The following CEMIP variants were observed in gnomAD, a reference collection of about 807,000 sequenced individuals.
CEMIP encodes cell migration inducing hyaluronidase 1.
Under a neutral mutation model 156.9 loss-of-function variants are expected in CEMIP, and 105 were observed. That is an observed-to-expected ratio of 0.67 (90% confidence interval 0.57 to 0.79). CEMIP has a LOEUF of 0.79. Ranked by LOEUF, CEMIP falls within the 30% of genes least tolerant of loss-of-function variation. The pLI, the probability that CEMIP is intolerant of heterozygous loss-of-function variation, is 0.00. For synonymous variants in CEMIP, 676 were observed against 668.4 expected (o/e 1.01, Z -0.17); for missense variants, 1,457 against 1,769.4 (o/e 0.82, Z 3.17).
At chr15:80,803,873 C>T (rs1417960418) in intron 1 of CEMIP, among the ~76,000 whole-genome samples, 2 of 152,104 alleles carry the variant, frequency 1.3e-5, no homozygotes, top group African/African-American at 2.4e-5. Context: ...TCAGATGGAC[C>T]CTGTATTATT....
At chr15:80,806,415 G>A (rs1219378912) in intron 1 of CEMIP, among the ~76,000 whole-genome samples, 4 of 152,174 alleles carry the variant, frequency 2.6e-5, no homozygotes, top group Non-Finnish European at 5.9e-5. Flanking sequence ...AAATATTCTG[G>A]AGAGAAGCTC....
intron 1 of CEMIP, among the ~76,000 whole-genome samples, chr15:80,814,907 G>A (rs8028001): frequency 0.32 from 48,011 of 151,836 alleles, 7,610 homozygotes; most frequent in South Asian, 0.39. Flanking sequence ...AGCTGGTCTC[G>A]AACTCCTGCC....
chr15:80,812,404 G>A (rs1896693117), intron 1 of CEMIP, among the ~76,000 whole-genome samples: 1 of 152,172 alleles, frequency 6.6e-6, no homozygotes, highest in Non-Finnish European at 1.5e-5. Context: ...TAAAAGAAGA[G>A]GATTTTGGAG....
chr15:80,910,761 G>A (rs754639482), intron 14 of CEMIP, among the ~76,000 whole-genome samples: 41 of 152,160 alleles, frequency 2.7e-4, no homozygotes, highest in Non-Finnish European at 2.9e-5. Flanking sequence ...CAAACACATA[G>A]GGCTGTCGTG....
chr15:80,836,179 C>G (rs1897266881), intron 1 of CEMIP, among the ~76,000 whole-genome samples: 1 of 151,508 alleles, frequency 6.6e-6, no homozygotes. Context: ...ATTTTCCTGG[C>G]CTTAAAATTC....
intron 19 of CEMIP, among the ~76,000 whole-genome samples, chr15:80,926,575 G>C (rs1291899331): frequency 6.6e-6 from 1 of 151,270 alleles, no homozygotes; most frequent in Non-Finnish European, 1.5e-5. Flanking sequence ...GCAAGAGAGA[G>C]AGGGAAGGGA....
chr15:80,789,915 T>C (rs1290267362), intron 1 of CEMIP, among the ~76,000 whole-genome samples: 1 of 152,224 alleles, frequency 6.6e-6, no homozygotes, highest in Non-Finnish European at 1.5e-5. Flanking sequence ...AGCATGAACT[T>C]GAGCTTCTGC....
chr15:80,817,462 A>T (rs1567057618), intron 1 of CEMIP, among the ~76,000 whole-genome samples: 1 of 151,930 alleles, frequency 6.6e-6, no homozygotes, highest in East Asian at 1.9e-4. Flanking sequence ...TTAGCCAGCC[A>T]TGGTGGTGTG....
chr15:80,828,011 GA>G (rs796153391), intron 1 of CEMIP, among the ~76,000 whole-genome samples: 12 of 152,198 alleles, frequency 7.9e-5, no homozygotes, highest in African/African-American at 2.9e-4. Flanking sequence ...AGGCATGAAG[GA>G]AAAAAGTCAT....
intron 14 of CEMIP, 146 bp from the exon 15 acceptor site, chr15:80,919,948 G>C (rs1362532442): frequency 5.1e-6 from 4 of 791,912 alleles, no homozygotes; most frequent in Non-Finnish European, 8.7e-6. Flanking sequence ...AGTGTTTGTT[G>C]AATGAATGAA....
At chr15:80,847,076 T>C (rs1897579799) in intron 1 of CEMIP, among the ~76,000 whole-genome samples, 1 of 152,230 alleles carries the variant, frequency 6.6e-6, no homozygotes, top group African/African-American at 2.4e-5. Context: ...AGGGTCTCGC[T>C]GTGCCACGCA....
Position 80,948,906 on chromosome 15 carries a change from GA to G in CEMIP, c.4070del (p.Lys1357ArgfsTer19). 6.4e-7 allele frequency: 1 copy of G among 1,559,638 alleles called. No homozygotes were observed. The highest frequency in any genetic ancestry group is 8.8e-7 in the Non-Finnish European group (1 of 1,130,352). ...TCCAAGTTGTGCCCATCCCTGTGGT[GA>G]AGAAGAAGAAGTTGTGAGGACAGCT... Reference protein sequence around the residue: ...IFQVVPIPVVKKKKL With the variant: ...IFQVVPIPVVXKKKL On this transcript the variant is annotated frameshift_variant, in exon 30 of 30. Transcript: ENST00000394685. LOFTEE classifies it high-confidence loss of function.
chr15:80,820,235 T>C (rs1348041678), intron 1 of CEMIP, among the ~76,000 whole-genome samples: 2 of 152,222 alleles, frequency 1.3e-5, no homozygotes, highest in Non-Finnish European at 2.9e-5. Flanking sequence ...TCCATGGTAG[T>C]GCTGCTACCC....
chr15:80,810,981 A>T (rs140372183), intron 1 of CEMIP, among the ~76,000 whole-genome samples: 1 of 152,048 alleles, frequency 6.6e-6, no homozygotes, highest in African/African-American at 2.4e-5. Context: ...CTATTTACCA[A>T]CCTACCCATC....
At chr15:80,910,990 C>T (rs1166771272) in intron 14 of CEMIP, among the ~76,000 whole-genome samples, 2 of 152,252 alleles carry the variant, frequency 1.3e-5, no homozygotes, top group African/African-American at 4.8e-5. Flanking sequence ...TAAGCATGGG[C>T]TCTGGAGCCA....
Position 80,884,360 on chromosome 15 carries a change from G to A in CEMIP, c.797+6G>A. 1 of 1,613,974 alleles carries A rather than the reference G, an allele frequency of 6.2e-7. No homozygotes were observed. Among genetic ancestry groups the A allele is most frequent in the Middle Eastern group, 1.7e-4 (1 of 5,984 alleles). On this transcript the variant is annotated splice_donor_region_variant and intron_variant, in intron 7 of 29. Transcript: ENST00000394685. ...TTCCTGCACCTTGGATTTAGGTACT[G>A]CCCCTCACTTCGGCTTCCACTGGGC...
At position 80,833,674 on chromosome 15, in the gene CEMIP, T is replaced by C. The variant is rs1277399129; in HGVS notation, c.-175-39864T>C. 2.5e-4 allele frequency among the ~76,000 whole-genome samples: 21 copies of C among 84,190 alleles called. No individual in the cohort carries two copies. In the East Asian group the frequency reaches 6.1e-3, roughly 25 times the overall value. 55.2% of individuals were successfully genotyped at this position (84,190 alleles called of 152,430 possible). A position where few individuals can be genotyped will look rare whatever the true frequency, so the allele number is the denominator to read the frequency against. On this transcript the variant is annotated intron_variant, in intron 1 of 29. Coordinates refer to ENST00000394685, the MANE Select transcript of CEMIP (RefSeq NM_001293298.2). Reference sequence around the variant, plus strand: ...GCAGCAGTACTGTCTTTTTTTTTTCTTTTTTTTTTTTTTGGACAGAGTCTC... The same window carrying C: ...GCAGCAGTACTGTCTTTTTTTTTTCCTTTTTTTTTTTTTGGACAGAGTCTC...
intron 1 of CEMIP, among the ~76,000 whole-genome samples, chr15:80,845,862 G>C (rs1421890730): frequency 1.3e-5 from 2 of 152,144 alleles, no homozygotes; most frequent in African/African-American, 4.8e-5. Context: ...AGACACACAA[G>C]GCAACTAGTG....
chr15:80,865,264 C>T (rs1898094175), intron 1 of CEMIP, among the ~76,000 whole-genome samples: 1 of 152,152 alleles, frequency 6.6e-6, no homozygotes, highest in South Asian at 2.1e-4. Flanking sequence ...TCACTATAAC[C>T]TTTGCCTCCC....
Sources: allele counts gnomAD v4.1 joint callset (sites outside exome capture counted in the v4.1 genomes callset), GRCh38; gene constraint gnomAD v4.1.1; transcripts MANE v1.5; gene names NCBI Gene and HGNC (gene_info 2026-07-23, HGNC 2026-07-21).